MDN1: variants seen among roughly 807,000 people sequenced by gnomAD.
MDN1 encodes the protein midasin.
In MDN1, 266 loss-of-function variants were observed where a neutral mutation model predicts 669.2. The observed-to-expected ratio is 0.40, with a 90% confidence interval of 0.36 to 0.44. The LOEUF is 0.44. Ranked by LOEUF, MDN1 falls within the 20% of genes least tolerant of loss-of-function variation. The probability of loss-of-function intolerance (pLI) is 1.00; values close to 1 mark genes in which losing one functional copy is unlikely to be tolerated. For missense variants in MDN1, 5,940 were observed against 6,754.0 expected (o/e 0.88, Z 4.22); for synonymous variants, 2,385 against 2,457.1 (o/e 0.97, Z 0.87).
chr6:89,799,964 T>TG (rs1767523846), intron 2 of MDN1, among the ~76,000 whole-genome samples: 2 of 151,276 alleles, frequency 1.3e-5, no homozygotes, highest in South Asian at 2.1e-4. Flanking sequence ...CCCTAAGGAG[T>TG]GGGGGGCACT....
chr6:89,707,509 C>G (rs1199223655), intron 51 of MDN1, 33 bp from the exon 52 acceptor site: 12 of 1,303,430 alleles, frequency 9.2e-6, no homozygotes, highest in Non-Finnish European at 1.3e-5. Flanking sequence ...TAACAAATAG[C>G]TATCGGTTAA....
At chr6:89,728,900 T>C (rs746939349) in intron 36 of MDN1, 31 bp downstream of exon 36, 1 of 1,574,268 alleles carries the variant, frequency 6.4e-7, no homozygotes, top group Non-Finnish European at 8.7e-7. Context: ...TCTATAGCTA[T>C]CTCCATCAGC....
intron 97 of MDN1, 90 bp downstream of exon 97, chr6:89,649,934 C>T: frequency 7.6e-7 from 1 of 1,309,742 alleles, no homozygotes; most frequent in Non-Finnish European, 1.1e-6. Context: ...AAAGCATTAG[C>T]CATATCATAT....
intron 37 of MDN1, 66 bp from the exon 38 acceptor site, chr6:89,725,462 G>C (rs1562145817): frequency 7.7e-7 from 1 of 1,299,002 alleles, no homozygotes; most frequent in African/African-American, 1.5e-5. Context: ...AAAAGCAGGG[G>C]AATAATATGC....
At chr6:89,789,743 T>C (rs1819150461) in intron 7 of MDN1, 37 bp downstream of exon 7, 3 of 1,544,416 alleles carry the variant, frequency 1.9e-6, no homozygotes, top group Admixed American at 2.2e-5. Context: ...GACAGGAAAA[T>C]ATATTAAGGG....
At position 89,680,628 on chromosome 6, in the gene MDN1, G is replaced by C; in HGVS notation, c.12226C>G (p.Pro4076Ala). Residue 4076 changes from proline to alanine, a missense_variant, in exon 74 of 102, where the codon CCC becomes GCC. By Grantham distance (27) the Pro-to-Ala change is conservative. Transcript: ENST00000369393. ...KMCLTFMKES[P>A]LPRLVEGLDQ... ...AGGCCCTCCACAAGGCGAGGCAGGG[G>C]GCTCTCCTTCATGAACGTCAGGCAC... 6.2e-7 allele frequency: 1 copy of C among 1,614,156 alleles called. No homozygotes were observed. The highest frequency in any genetic ancestry group is 8.5e-7 in the Non-Finnish European group (1 of 1,180,034).
At chr6:89,669,937 G>T (rs1473126998) in intron 83 of MDN1, among the ~76,000 whole-genome samples, 1 of 151,528 alleles carries the variant, frequency 6.6e-6, no homozygotes, top group Non-Finnish European at 1.5e-5. Flanking sequence ...GGGCGCAGTG[G>T]CTTACACATG....
intron 9 of MDN1, among the ~76,000 whole-genome samples, chr6:89,783,424 CGGTCTGTTGTTTAA>C (rs1818787379): frequency 6.6e-6 from 1 of 152,098 alleles, no homozygotes; most frequent in South Asian, 2.1e-4. Flanking sequence ...GTGGTCAGAC[CGGTCTGTTGTTTAA>C]GATGTTTATC....
intron 1 of MDN1, among the ~76,000 whole-genome samples, chr6:89,813,087 T>C (rs1404939241): frequency 6.6e-6 from 1 of 152,122 alleles, no homozygotes; most frequent in Non-Finnish European, 1.5e-5. Flanking sequence ...ATTATAGGCA[T>C]GCGCCACCAC....
At chr6:89,702,938 CT>C (rs35611812) in intron 53 of MDN1, among the ~76,000 whole-genome samples, 52,079 of 140,190 alleles carry the variant, frequency 0.37, 9,575 homozygotes, top group East Asian at 0.66. Context: ...GGTAAAGGCC[CT>C]TTTTTTTTTT....
At position 89,713,014 on chromosome 6, in the gene MDN1, C is replaced by T. The variant is rs1814060591; in HGVS notation, c.7218+134G>A. On this transcript the variant is annotated intron_variant, in intron 47 of 101. Coordinates refer to ENST00000369393, the MANE Select transcript of MDN1 (RefSeq NM_014611.3). ...ATTTTCCAGAAAAGTACCTGGATAC[C>T]AGATCTCTATTAGAGCAAACTGCAG... is the stretch of plus-strand genomic sequence containing the variant. 6 of 997,564 alleles carry T rather than the reference C, an allele frequency of 6.0e-6. No individual in the cohort carries two copies. The East Asian group carries it at 1.5e-4, about 26-fold the overall frequency. 61.8% of individuals were successfully genotyped at this position (997,564 alleles called of 1,614,324 possible).
chr6:89,760,670 G>A (rs1171275833), intron 17 of MDN1, among the ~76,000 whole-genome samples: 2 of 151,962 alleles, frequency 1.3e-5, no homozygotes, highest in African/African-American at 2.4e-5. Flanking sequence ...CTTGAAAAAA[G>A]AAATAAATTT....
intron 15 of MDN1, among the ~76,000 whole-genome samples, chr6:89,764,218 T>C (rs1309405695): frequency 1.3e-5 from 2 of 152,128 alleles, no homozygotes; most frequent in Non-Finnish European, 2.9e-5. Context: ...CTCATCCCTT[T>C]ATAAAAATTT....
intron 1 of MDN1, chr6:89,815,056 G>A (rs561464701): frequency 4.1e-6 from 2 of 484,830 alleles, no homozygotes; most frequent in East Asian, 4.9e-5. Flanking sequence ...GGTACAAAAG[G>A]GAGAGCAGTG....
rs1813170578 is a variant in MDN1, at chr6:89,701,662, G to T, written c.8323C>A (p.Gln2775Lys). 6.2e-7 allele frequency: 1 copy of T among 1,613,712 alleles called. No individual in the cohort carries two copies. Among genetic ancestry groups the T allele is most frequent in the African/African-American group, 1.3e-5 (1 of 74,892 alleles). The change falls in exon 55 of 102, where the codon CAG becomes AAG. Residue 2775 changes from glutamine to lysine, a missense_variant. By Grantham distance (53) the Gln-to-Lys change is moderately conservative. Transcript: ENST00000369393. Reference sequence around the variant, plus strand: ...TTCTGAATATGTTCTGAGACAGTCTGAACTTCTTTGTAATATCTTTAAAGG... The same window carrying T: ...TTCTGAATATGTTCTGAGACAGTCTTAACTTCTTTGTAATATCTTTAAAGG... ...NYEDKYYKEV[Q>K]TVSEHIQNCL...
chr6:89,722,536 TA>T (rs1209285093), intron 40 of MDN1, among the ~76,000 whole-genome samples: 1 of 152,220 alleles, frequency 6.6e-6, no homozygotes, highest in Non-Finnish European at 1.5e-5. Context: ...TTTTAACTTT[TA>T]AATTTTGAAG....
rs1036329153 is a variant in MDN1, at chr6:89,790,047, CAGTT to C, written c.1098+108_1098+111del. On this transcript the variant is annotated intron_variant, in intron 6 of 101. Coordinates refer to ENST00000369393, the MANE Select transcript of MDN1 (RefSeq NM_014611.3). ...TGAGGTTTACATAGGTTGGCCCCAA[CAGTT>C]ATAAGCAAGACCAATAACTATTGTT... 43 of 1,583,528 alleles carry C rather than the reference CAGTT, an allele frequency of 2.7e-5. No homozygotes were observed. In the African/African-American group the frequency reaches 3.5e-4, roughly 13 times the overall value.
rs756062973 is a variant in MDN1 at position 89,789,908 on chromosome 6, G to C, written c.1102C>G (p.Leu368Val). 46 of 1,608,556 alleles carry C rather than the reference G, an allele frequency of 2.9e-5. No individual in the cohort carries two copies. Among genetic ancestry groups the C allele is most frequent in the Middle Eastern group, 1.7e-4 (1 of 6,054 alleles). ...QLGDQTDSKMLLGMYRCTDVP... is the reference protein window; with the variant it reads ...QLGDQTDSKMVLGMYRCTDVP... ...TCTGTGCAGCGATACATCCCCAAAA[G>C]CATCTGCAGAAAGAAGATAAAGTAA... Residue 368 changes from leucine (L) to valine (V), a missense_variant, in exon 7 of 102, where the codon CTT (leucine) becomes GTT (valine). Physicochemically the swap from Leu to Val is conservative, Grantham distance 32. Around this residue, in one of 5 missense-constraint regions of MDN1, gnomAD observed 1,203 missense variants for 1,268.9 expected, o/e 0.95. Transcript: ENST00000369393.
chr6:89,664,020 A>T (rs1810008032), intron 85 of MDN1, among the ~76,000 whole-genome samples: 1 of 152,062 alleles, frequency 6.6e-6, no homozygotes, highest in African/African-American at 2.4e-5. Flanking sequence ...ACATGCAATA[A>T]ATGGAAAGAA....
Sources: allele counts gnomAD v4.1 joint callset (sites outside exome capture counted in the v4.1 genomes callset), GRCh38; gene constraint gnomAD v4.1.1; regional missense constraint gnomAD v4.1.1; transcripts MANE v1.5; gene names NCBI Gene and HGNC (gene_info 2026-07-23, HGNC 2026-07-21).